MUC22: variants seen among roughly 807,000 people sequenced by gnomAD.
The protein encoded by MUC22 is mucin-22.
MUC22 carries 24 observed loss-of-function variants against 40.3 expected under a neutral mutation model. The ratio of observed to expected loss-of-function variants is 0.60; its 90% CI spans 0.43 to 0.84. The LOEUF is 0.84. MUC22 is among the 40% of genes least tolerant of loss of function. The probability of loss-of-function intolerance (pLI) is 0.00; values close to 1 mark genes in which losing one functional copy is unlikely to be tolerated. For missense variants in MUC22, 1,926 were observed against 2,130.7 expected, an observed-to-expected ratio of 0.90 and a Z score of 1.89; for synonymous variants, 765 against 844.5, an observed-to-expected ratio of 0.91 and a Z score of 1.63.
chr6:31,009,230 T>A (rs114643962), upstream of MUC22, among the ~76,000 whole-genome samples: 5,354 of 152,290 alleles, frequency 0.035, 126 homozygotes, highest in African/African-American at 0.047. Context: ...AATTCTTTAA[T>A]GTATTTATTT....
intron 1 of MUC22, among the ~76,000 whole-genome samples, chr6:31,023,757 T>C (rs1349551531): frequency 6.6e-6 from 1 of 152,242 alleles, no homozygotes; most frequent in Non-Finnish European, 1.5e-5. Flanking sequence ...CCATACTGTA[T>C]GTTAGCCATG....
chr6:31,028,427 C>T (rs1334808331), exon 2 of MUC22: 2 of 1,532,514 alleles, frequency 1.3e-6, no homozygotes, highest in African/African-American at 1.4e-5. Context: ...ACAGCCTCTA[C>T]TGAAGGCTCC....
At chr6:31,025,629 C>T in exon 2 of MUC22, 1 of 1,525,472 alleles carries the variant, frequency 6.6e-7, no homozygotes, top group South Asian at 1.2e-5. Flanking sequence ...CTAAGATCAC[C>T]ACAGACTCTA....
chr6:31,025,069 A>C (rs940004046), intron 1 of MUC22, among the ~76,000 whole-genome samples: 3 of 151,958 alleles, frequency 2.0e-5, no homozygotes, highest in Non-Finnish European at 2.9e-5. Flanking sequence ...GGGTTTCTCC[A>C]TATTGGTCAG....
intron 1 of MUC22, among the ~76,000 whole-genome samples, chr6:31,024,441 A>T (rs1765107938): frequency 1.1e-5 from 1 of 89,116 alleles, no homozygotes; most frequent in South Asian, 3.2e-4. Context: ...GTTACAAAAG[A>T]ATTTGTGATT....
At chr6:31,024,515 T>C (rs1765114615) in intron 1 of MUC22, among the ~76,000 whole-genome samples, 1 of 152,184 alleles carries the variant, frequency 6.6e-6, no homozygotes, top group African/African-American at 2.4e-5. Context: ...GGGTCTTCAT[T>C]GTATTTGAGA....
intron 1 of MUC22, among the ~76,000 whole-genome samples, chr6:31,021,883 C>G (rs9501345): frequency 6.6e-6 from 1 of 150,378 alleles, no homozygotes; most frequent in African/African-American, 2.4e-5. Flanking sequence ...TTCTTTTGCT[C>G]TTTGCAATAG....
In MUC22 at chr6:31,027,416, A is replaced by G. The variant is rs533149851; in HGVS notation, c.1985A>G (p.Asp662Gly). The G allele has an allele frequency of 9.3e-5, 141 of 1,523,800 alleles. 1 individual carries two copies. The African/African-American group carries it at 1.6e-3, about 17-fold the overall frequency. 94.4% of individuals were successfully genotyped at this position (1,523,800 alleles called of 1,614,324 possible). ...GAGACCACTACAGTTTCTATCACAG[A>G]CTCAGAGACCACCACCACCTGTACT... The change falls in exon 2 of 4, where the codon GAC (aspartate) becomes GGC (glycine). Residue 662 changes from aspartate to glycine, a missense_variant. Coordinates refer to ENST00000561890, the Ensembl canonical transcript of MUC22.
At chr6:31,006,707 T>G (rs1294582787), upstream of MUC22, among the ~76,000 whole-genome samples, 4 of 152,208 alleles carry the variant, frequency 2.6e-5, no homozygotes, top group Non-Finnish European at 5.9e-5. Flanking sequence ...CAGTAGAATA[T>G]TTATGTTACT....
upstream of MUC22, among the ~76,000 whole-genome samples, chr6:31,007,099 T>C (rs760174164): frequency 6.6e-6 from 1 of 152,260 alleles, no homozygotes; most frequent in African/African-American, 2.4e-5. This position sits in a 1 kb window ranked among gnomAD's most constrained non-coding sequence, Gnocchi z 4.0. Context: ...ATTATTTCAA[T>C]GTCTACATTT....
upstream of MUC22, among the ~76,000 whole-genome samples, chr6:31,009,017 G>A (rs990796869): frequency 6.6e-6 from 1 of 152,100 alleles, no homozygotes; most frequent in African/African-American, 2.4e-5. Flanking sequence ...TTTCTTTTCT[G>A]TGTGTGTTAG....
chr6:31,017,195 T>G (rs1225791657), intron 1 of MUC22, among the ~76,000 whole-genome samples: 1 of 152,222 alleles, frequency 6.6e-6, no homozygotes, highest in African/African-American at 2.4e-5. Flanking sequence ...GCGCACGGCG[T>G]GGGACTGACG....
At chr6:31,008,011 G>A (rs371038781), upstream of MUC22, among the ~76,000 whole-genome samples, 1 of 152,054 alleles carries the variant, frequency 6.6e-6, no homozygotes, top group Non-Finnish European at 1.5e-5. Flanking sequence ...TTTATATTCC[G>A]CATACTTTCT....
At chr6:31,019,969 A>T (rs1293481675) in intron 1 of MUC22, among the ~76,000 whole-genome samples, 1 of 152,158 alleles carries the variant, frequency 6.6e-6, no homozygotes, top group Non-Finnish European at 1.5e-5. Flanking sequence ...TGAATAGAAT[A>T]CCAGTGATTT....
chr6:31,025,771 G>C, exon 2 of MUC22: 1 of 1,532,084 alleles, frequency 6.5e-7, no homozygotes, highest in Non-Finnish European at 8.7e-7. Flanking sequence ...CTTCACCACA[G>C]GCTCTGACAC....
At position 31,032,039 on chromosome 6, in the gene MUC22, A is replaced by C. The variant is rs1420801118; in HGVS notation, c.4670-157A>C. 1.3e-5 allele frequency among the ~76,000 whole-genome samples: 2 copies of C among 152,114 alleles called. No individual in the cohort carries two copies. On this transcript the variant is annotated intron_variant, in intron 2 of 3. Coordinates refer to ENST00000561890, the Ensembl canonical transcript of MUC22. This position sits in a 1 kb window ranked among gnomAD's most constrained non-coding sequence, Gnocchi z 4.1. ...TGCATTCTGGGGACATGGCCACAGC[A>C]GAATCGCTTTCTACCATCTCTCCTC...
chr6:31,032,691 G>T lies in MUC22; in HGVS notation c.5055+110G>T. ...ATGAGAAAGGGGAGTAAGTTGGTGCGCTCAGAAGGAAAGAATCACCTAGCC... is the reference window on the plus strand; with the variant it reads ...ATGAGAAAGGGGAGTAAGTTGGTGCTCTCAGAAGGAAAGAATCACCTAGCC... On this transcript the variant is annotated intron_variant, in intron 3 of 3. Transcript: ENST00000561890. This position sits in a 1 kb window ranked among gnomAD's most constrained non-coding sequence, Gnocchi z 4.1. 2.5e-6 allele frequency: 3 copies of T among 1,201,018 alleles called. No individual in the cohort carries two copies. Among genetic ancestry groups the T allele is most frequent in the Non-Finnish European group, 3.4e-6 (3 of 879,932 alleles). The allele number at this position is 1,201,018 out of a possible 1,614,324, so 74.4% of individuals were successfully genotyped here. A position where few individuals can be genotyped will look rare whatever the true frequency, so the allele number is the denominator to read the frequency against.
chr6:31,006,402 A>G (rs1351928678), upstream of MUC22, among the ~76,000 whole-genome samples: 1 of 152,200 alleles, frequency 6.6e-6, no homozygotes, highest in East Asian at 1.9e-4. Context: ...TCAAGAGTCA[A>G]TGGTTGCCAG....
At chr6:31,021,726 C>T (rs565297143) in intron 1 of MUC22, among the ~76,000 whole-genome samples, 113 of 152,178 alleles carry the variant, frequency 7.4e-4, no homozygotes, top group African/African-American at 2.4e-3. Context: ...GGATTGTAAA[C>T]GCACCAATCA....
Sources: allele counts gnomAD v4.1 joint callset (sites outside exome capture counted in the v4.1 genomes callset), GRCh38; gene constraint gnomAD v4.1.1; non-coding constraint Gnocchi (gnomAD v3.1); transcripts MANE v1.5; gene names NCBI Gene and HGNC (gene_info 2026-07-23, HGNC 2026-07-21).